HERC1: variants seen among roughly 807,000 people sequenced by gnomAD.
The protein encoded by HERC1 is HECT and RLD domain containing E3 ubiquitin protein ligase family member 1.
Under a neutral mutation model 554.3 loss-of-function variants are expected in HERC1, and 160 were observed. The observed-to-expected ratio is 0.29, with a 90% confidence interval of 0.25 to 0.33. The LOEUF is 0.33. Ranked by LOEUF, HERC1 falls within the 10% of genes least tolerant of loss-of-function variation. The pLI is 1.00. For missense variants in HERC1, 4,919 were observed against 5,918.5 expected (o/e 0.83, Z 5.54); for synonymous variants, 2,175 against 2,131.7 (o/e 1.02, Z -0.56).
At position 63,686,397 on chromosome 15, in the gene HERC1, C is replaced by T. The variant is rs1322632313; in HGVS notation, c.6187G>A (p.Ala2063Thr). 3 of 1,613,354 alleles carry T rather than the reference C, an allele frequency of 1.9e-6. No homozygotes were observed. Among genetic ancestry groups the T allele is most frequent in the Admixed American group, 3.3e-5 (2 of 59,898 alleles). ...CACCCAGAAGTTACTCCTGTAGATG[C>T]CAATCCATATCCTTTCCCTCCACTG... Reference protein sequence around the residue: ...HGSGGKGYGLASTGVTSGCYQ... With the variant: ...HGSGGKGYGLTSTGVTSGCYQ... The change falls in exon 34 of 78, where the codon GCA (alanine) becomes ACA (threonine). Residue 2063 changes from alanine (A) to threonine (T), a missense_variant. This residue lies in a region of HERC1 where 85 missense variants were observed against 163.2 expected (regional missense o/e 0.52). Coordinates refer to ENST00000443617, the MANE Select transcript of HERC1 (RefSeq NM_003922.4).
intron 1 of HERC1, among the ~76,000 whole-genome samples, chr15:63,823,600 G>A (rs952194302): frequency 4.6e-5 from 7 of 152,124 alleles, no homozygotes; most frequent in South Asian, 2.1e-4. Context: ...GACAATGGTC[G>A]GAGTGGATAC....
At chr15:63,790,297 G>A (rs1271264846) in intron 1 of HERC1, among the ~76,000 whole-genome samples, 2 of 152,114 alleles carry the variant, frequency 1.3e-5, no homozygotes, top group Non-Finnish European at 2.9e-5. Context: ...GTACTTTTTA[G>A]GCTAGGCGCG....
In HERC1 at chr15:63,733,070, G is replaced by A. The variant is rs1252034810; in HGVS notation, c.2722C>T (p.Pro908Ser). ...HVASLLGYSS[P>S]SDAADLSSVC... The stretch of plus-strand genomic sequence containing the variant: ...GAAGATAGGTCAGCAGCATCAGAGG[G>A]TGAACTATAGCCAAGTAGGGAGGCT... Residue 908 changes from proline (P) to serine (S), a missense_variant, in exon 14 of 78, where the codon CCC becomes TCC. This residue lies in a region of HERC1 where 744 missense variants were observed against 1,090.0 expected (regional missense o/e 0.68). Coordinates refer to ENST00000443617, the MANE Select transcript of HERC1 (RefSeq NM_003922.4). 1 of 1,613,752 alleles carries A rather than the reference G, an allele frequency of 6.2e-7. No individual in the cohort carries two copies. The highest frequency in any genetic ancestry group is 2.2e-5 in the East Asian group (1 of 44,892).
intron 37 of HERC1, among the ~76,000 whole-genome samples, chr15:63,676,430 T>G (rs2071210855): frequency 1.3e-5 from 2 of 152,168 alleles, no homozygotes; most frequent in Non-Finnish European, 2.9e-5. Context: ...TCTGAAACAG[T>G]ACCACTCCAA....
At chr15:63,623,233 T>C (rs2068163221) in intron 73 of HERC1, among the ~76,000 whole-genome samples, 1 of 151,736 alleles carries the variant, frequency 6.6e-6, no homozygotes, top group Non-Finnish European at 1.5e-5. Flanking sequence ...AAAATCCTGA[T>C]ACTAGGTAAT....
rs905595734 is a variant in HERC1, at chr15:63,772,818, T to C, written c.930+1876A>G. 4.1e-4 allele frequency among the ~76,000 whole-genome samples: 63 copies of C among 152,316 alleles called. 1 individual carries two copies. The highest frequency in any genetic ancestry group is 1.4e-3 in the African/African-American group (57 of 41,564). On this transcript the variant is annotated intron_variant, in intron 2 of 77. Transcript: ENST00000443617. Reference sequence around the variant, plus strand: ...AAGCACGGCATGCTTTTCTTATTTATTTTTATGTAACAGTAAGAAATTCAA... The same window carrying C: ...AAGCACGGCATGCTTTTCTTATTTACTTTTATGTAACAGTAAGAAATTCAA...
In HERC1 at chr15:63,716,315, C is replaced by A; in HGVS notation, c.4137G>T (p.Val1379=). 1 of 1,613,392 alleles carries A rather than the reference C, an allele frequency of 6.2e-7. No homozygotes were observed. The change falls in exon 22 of 78, where the codon GTG becomes GTT. Residue 1379 remains valine (V), a synonymous_variant. Coordinates refer to ENST00000443617, the MANE Select transcript of HERC1 (RefSeq NM_003922.4). ...EDEEEEREHE[V]MTAGKIFQCF... is the part of the protein sequence containing the mutation. ...GGGTATACTCACTGCCAGCTGTCAT[C>A]ACTTCATGTTCCCGTTCCTCCTCTT...
At chr15:63,648,993 CTT>C (rs771016819) in intron 54 of HERC1, among the ~76,000 whole-genome samples, 5 of 152,226 alleles carry the variant, frequency 3.3e-5, no homozygotes, top group Admixed American at 1.3e-4. Context: ...CCTAATCTCT[CTT>C]GTCAGACCAG....
At chr15:63,751,005 A>C (rs2075222820) in intron 8 of HERC1, among the ~76,000 whole-genome samples, 1 of 152,204 alleles carries the variant, frequency 6.6e-6, no homozygotes, top group African/African-American at 2.4e-5. Context: ...TATAGAATGC[A>C]ACAAGATTCC....
Position 63,638,789 on chromosome 15 carries a change from G to A in HERC1, c.11902-13C>T. 1 of 1,609,152 alleles carries A rather than the reference G, an allele frequency of 6.2e-7. No homozygotes were observed. Among genetic ancestry groups the A allele is most frequent in the Non-Finnish European group, 8.5e-7 (1 of 1,175,666 alleles). ...ATTTACTGTTATCCTGAAAAACAGG[G>A]GGTACATAATGATCAATTCTGCTTA... On this transcript the variant is annotated splice_polypyrimidine_tract_variant and intron_variant, in intron 61 of 77. Coordinates refer to ENST00000443617, the MANE Select transcript of HERC1 (RefSeq NM_003922.4).
At chr15:63,751,356 G>A (rs1290264246) in intron 8 of HERC1, among the ~76,000 whole-genome samples, 4 of 152,182 alleles carry the variant, frequency 2.6e-5, no homozygotes, top group South Asian at 2.1e-4. Context: ...GTCTAGGAGC[G>A]TAGTAGGCTA....
chr15:63,724,722 T>C (rs907880883), intron 18 of HERC1, among the ~76,000 whole-genome samples: 5 of 152,142 alleles, frequency 3.3e-5, no homozygotes, highest in African/African-American at 4.8e-5. Flanking sequence ...AACAACTGGA[T>C]TATCTGGGGT....
chr15:63,616,918 T>C lies in HERC1; in HGVS notation c.13689-236A>G, dbSNP rs555269997. ...CGTAGTTATTGTTTCACACAGCACA[T>C]GGACTATATTCTGAACTATTTTTAG... is the stretch of plus-strand genomic sequence containing the variant. On this transcript the variant is annotated intron_variant, in intron 74 of 77. Transcript: ENST00000443617. Among the ~76,000 whole-genome samples the C allele has an allele frequency of 1.6e-3, 238 of 152,286 alleles. 1 individual carries two copies. The South Asian group carries it at 0.017, about 11-fold the overall frequency.
intron 55 of HERC1, among the ~76,000 whole-genome samples, chr15:63,647,537 G>A (rs1380488815): frequency 6.6e-6 from 1 of 152,134 alleles, no homozygotes; most frequent in Non-Finnish European, 1.5e-5. Context: ...TTCTCAAAAA[G>A]ATGCCTGCAC....
Position 63,695,263 on chromosome 15 carries a change from C to G in HERC1, c.5122-369G>C, listed in dbSNP as rs533923423. Among the ~76,000 whole-genome samples the G allele has an allele frequency of 2.3e-4, 35 of 152,254 alleles. No homozygotes were observed. The South Asian group carries it at 6.4e-3, about 28-fold the overall frequency. ...TATTGTCCAGGCGGGTTTTAAACTCCTGAGCTCAAGCAATCCAACAGCCTT... is the reference window on the plus strand; with the variant it reads ...TATTGTCCAGGCGGGTTTTAAACTCGTGAGCTCAAGCAATCCAACAGCCTT... On this transcript the variant is annotated intron_variant, in intron 27 of 77. Transcript: ENST00000443617.
intron 14 of HERC1, 39 bp downstream of exon 14, chr15:63,732,885 C>A: frequency 7.8e-7 from 1 of 1,279,642 alleles, no homozygotes; most frequent in East Asian, 2.4e-5. Flanking sequence ...GATCCCTACC[C>A]CTTTATTCTT....
chr15:63,656,905 T>C (rs1044625488), intron 48 of HERC1, among the ~76,000 whole-genome samples: 10 of 152,214 alleles, frequency 6.6e-5, no homozygotes, highest in African/African-American at 1.7e-4. Context: ...CATTGACATA[T>C]ACATGAAATC....
intron 1 of HERC1, among the ~76,000 whole-genome samples, chr15:63,822,432 A>C (rs1394250122): frequency 6.6e-6 from 1 of 152,170 alleles, no homozygotes; most frequent in East Asian, 1.9e-4. Context: ...CTAAAAAGAC[A>C]AAAATTAGCC....
At chr15:63,818,116 T>C (rs913072197) in intron 1 of HERC1, among the ~76,000 whole-genome samples, 2 of 152,130 alleles carry the variant, frequency 1.3e-5, no homozygotes, top group African/African-American at 2.4e-5. Context: ...CTGTTAACAA[T>C]ATCTAACCAA....
Sources: allele counts gnomAD v4.1 joint callset (sites outside exome capture counted in the v4.1 genomes callset), GRCh38; gene constraint gnomAD v4.1.1; regional missense constraint gnomAD v4.1.1; transcripts MANE v1.5; gene names NCBI Gene and HGNC (gene_info 2026-07-23, HGNC 2026-07-21).